Variants in DST observed in about 807,000 individuals in gnomAD.
DST encodes dystonin.
DST carries 253 observed loss-of-function variants against 875.2 expected under a neutral mutation model. The ratio of observed to expected loss-of-function variants is 0.29; its 90% CI spans 0.26 to 0.32. The LOEUF is 0.32. Ranked by LOEUF, DST falls within the 10% of genes least tolerant of loss-of-function variation. DST has a pLI of 1.00. For missense variants in DST, 8,287 were observed against 9,111.6 expected, an observed-to-expected ratio of 0.91 and a Z score of 3.68; for synonymous variants, 3,124 against 3,197.1, an observed-to-expected ratio of 0.98 and a Z score of 0.77.
chr6:56,773,112 C>T lies in DST; in HGVS notation c.626-37823G>A, dbSNP rs1257872069. On this transcript the variant is annotated intron_variant, in intron 4 of 103. Coordinates refer to ENST00000680361, the MANE Select transcript of DST (RefSeq NM_001374736.1). ...GCTGAGCCTTGAGATGACTACAACA[C>T]CTTGACTGCCACCTGATGGGAGACC... is the stretch of plus-strand genomic sequence containing the variant. Among the ~76,000 whole-genome samples the T allele has an allele frequency of 2.0e-5, 3 of 152,182 alleles. No homozygotes were observed. The East Asian group carries it at 5.8e-4, about 30-fold the overall frequency.
At chr6:56,597,041 A>T (rs1252268227) in intron 47 of DST, among the ~76,000 whole-genome samples, 1 of 152,098 alleles carries the variant, frequency 6.6e-6, no homozygotes, top group Non-Finnish European at 1.5e-5. Flanking sequence ...GGACTTCGAG[A>T]GCAGCCTGGG....
At chr6:56,541,848 T>C (rs2097131894) in intron 61 of DST, among the ~76,000 whole-genome samples, 1 of 152,212 alleles carries the variant, frequency 6.6e-6, no homozygotes, top group African/African-American at 2.4e-5. Flanking sequence ...TTTGTCCACC[T>C]TTCCCAGCTC....
chr6:56,635,087 C>G, intron 24 of DST, 134 bp from the exon 25 acceptor site: 1 of 705,736 alleles, frequency 1.4e-6, no homozygotes, highest in Non-Finnish European at 2.4e-6. Flanking sequence ...AATCTTTCCT[C>G]CTCCACCCCA....
intron 5 of DST, among the ~76,000 whole-genome samples, chr6:56,708,501 A>C (rs2099350019): frequency 6.6e-6 from 1 of 152,112 alleles, no homozygotes; most frequent in African/African-American, 2.4e-5. Context: ...GACTATTCTG[A>C]GGGTCCACAG....
chr6:56,565,610 C>T (rs899776972), intron 55 of DST, among the ~76,000 whole-genome samples: 2 of 152,314 alleles, frequency 1.3e-5, no homozygotes, highest in African/African-American at 4.8e-5. Context: ...CCAGCTGGAG[C>T]TCTCCTGTAT....
intron 47 of DST, 70 bp downstream of exon 47, chr6:56,597,670 G>A: frequency 6.7e-7 from 1 of 1,489,592 alleles, no homozygotes; most frequent in Non-Finnish European, 9.1e-7. Context: ...GAACTCATGT[G>A]CTAGGTTATT....
chr6:56,851,367 CA>C, intron 4 of DST, 29 bp downstream of exon 4: 1 of 1,597,596 alleles, frequency 6.3e-7, no homozygotes, highest in African/African-American at 1.3e-5. Flanking sequence ...TCTCTTCCCC[CA>C]CTCCATCCCC....
At chr6:56,848,040 C>A (rs957093882) in intron 4 of DST, among the ~76,000 whole-genome samples, 2 of 152,120 alleles carry the variant, frequency 1.3e-5, no homozygotes, top group Non-Finnish European at 2.9e-5. Context: ...TATTTCAAGT[C>A]CTTCCTTCTA....
chr6:56,879,105 C>T (rs1483000709), intron 3 of DST, among the ~76,000 whole-genome samples: 1 of 152,118 alleles, frequency 6.6e-6, no homozygotes, highest in Non-Finnish European at 1.5e-5. Flanking sequence ...AAAATGTGGT[C>T]CCCTGGCTCT....
chr6:56,702,402 C>CAT (rs760512511), intron 7 of DST, among the ~76,000 whole-genome samples: 29 of 150,924 alleles, frequency 1.9e-4, no homozygotes, highest in Non-Finnish European at 2.4e-4. Flanking sequence ...CACACACACA[C>CAT]ATATATATAT....
In DST at chr6:56,562,202, T is replaced by G; in HGVS notation, c.14006-2A>C. On this transcript the variant is annotated splice_acceptor_variant, in intron 55 of 103. Transcript: ENST00000680361. LOFTEE classifies it high-confidence loss of function. ...CTTCACCATTTAATACTGCTCCACC[T>G]GCAAAAATAGTAACACTAAAATAAT... 1 of 1,530,960 alleles carries G rather than the reference T, an allele frequency of 6.5e-7. No individual in the cohort carries two copies. The highest frequency in any genetic ancestry group is 8.8e-7 in the Non-Finnish European group (1 of 1,136,180). The allele number at this position is 1,530,960 out of a possible 1,614,324, so 94.8% of individuals were successfully genotyped here. A position where few individuals can be genotyped will look rare whatever the true frequency, so the allele number is the denominator to read the frequency against.
chr6:56,617,359 C>A (rs1447675584), intron 36 of DST: 1 of 1,613,958 alleles, frequency 6.2e-7, no homozygotes, highest in South Asian at 1.1e-5. Flanking sequence ...GAACTGGGTT[C>A]TTTTCTTGTT....
chr6:56,492,943 G>T lies in DST; in HGVS notation c.20541C>A (p.Asp6847Glu). The T allele has an allele frequency of 6.2e-7, 1 of 1,603,564 alleles. No individual in the cohort carries two copies. The highest frequency in any genetic ancestry group is 8.5e-7 in the Non-Finnish European group (1 of 1,174,774). Residue 6847 changes from aspartate to glutamate, a missense_variant, in exon 84 of 104, where the codon GAC (aspartate) becomes GAA (glutamate). Coordinates refer to ENST00000680361, the MANE Select transcript of DST (RefSeq NM_001374736.1). ...LILDTVLFQIDEHKVFANEVN... is the reference protein window; with the variant it reads ...LILDTVLFQIEEHKVFANEVN... ...TTGACTCACTACATACCTTGTGTTC[G>T]TCAATTTGAAATAAGACTGTGTCCA...
At position 56,562,184 on chromosome 6, in the gene DST, AT is replaced by A; in HGVS notation, c.14021del (p.Asn4674MetfsTer18). 1.3e-6 allele frequency: 2 copies of A among 1,551,944 alleles called. No homozygotes were observed. The highest frequency in any genetic ancestry group is 1.7e-6 in the Non-Finnish European group (2 of 1,147,550). ...AAVKSGGAVL[N>X]GEGTATNTEE... ...CAGTATTTGTGGCTGTTCCTTCACC[AT>A]TTAATACTGCTCCACCTGCAAAAAT... On this transcript the variant is annotated frameshift_variant, in exon 56 of 104. Coordinates refer to ENST00000680361, the MANE Select transcript of DST (RefSeq NM_001374736.1). LOFTEE classifies it high-confidence loss of function.
chr6:56,851,859 G>A, intron 3 of DST: 1 of 1,551,504 alleles, frequency 6.4e-7, no homozygotes, highest in East Asian at 2.4e-5. Flanking sequence ...AGATTTGCAC[G>A]GAAGAAGTGT....
Position 56,551,987 on chromosome 6 carries a change from C to T in DST, c.16608+197G>A, listed in dbSNP as rs928737185. On this transcript the variant is annotated intron_variant, in intron 61 of 103. Transcript: ENST00000680361. ...TCTGATTTTATCTCAGACCTTATCC[C>T]ACAAAGGCCCAAATCCCCAGTGGCC... Among the ~76,000 whole-genome samples, 5 of 152,288 alleles carry T rather than the reference C, an allele frequency of 3.3e-5. No individual in the cohort carries two copies. The South Asian group carries it at 6.2e-4, about 19-fold the overall frequency.
At chr6:56,663,213 G>A (rs146234079) in intron 10 of DST, among the ~76,000 whole-genome samples, 2 of 152,144 alleles carry the variant, frequency 1.3e-5, no homozygotes, top group East Asian at 3.8e-4. Context: ...GGATGCAGAC[G>A]CACTACATTA....
intron 101 of DST, 47 bp from the exon 102 acceptor site, chr6:56,463,203 AAAAC>A: frequency 8.7e-7 from 1 of 1,148,118 alleles, no homozygotes; most frequent in Non-Finnish European, 1.3e-6. Context: ...GCAGATAAAA[AAAAC>A]AAAGCCACAG....
chr6:56,649,666 G>A (rs2098963283), intron 12 of DST, among the ~76,000 whole-genome samples: 1 of 152,194 alleles, frequency 6.6e-6, no homozygotes. Context: ...CTGGCTACCA[G>A]TAAACAGTTC....
Sources: gnomAD v4.1 joint callset for allele counts (sites outside exome capture counted in the v4.1 genomes callset) on GRCh38, gnomAD v4.1.1 for gene constraint, MANE v1.5 for transcripts, NCBI Gene and HGNC (gene_info 2026-07-23, HGNC 2026-07-21) for gene names.